Variants in RHOBTB2 observed in about 807,000 individuals in gnomAD.
RHOBTB2 encodes the protein rho-related BTB domain-containing protein 2.
RHOBTB2 carries 39 observed loss-of-function variants against 66.5 expected under a neutral mutation model. The ratio of observed to expected loss-of-function variants is 0.59; its 90% CI spans 0.45 to 0.77. The LOEUF (loss-of-function observed/expected upper bound fraction) is 0.77, where lower values mean the gene tolerates loss of function less well. Among genes scored for constraint, RHOBTB2 ranks in the 30% least tolerant of loss-of-function variants. The pLI is 0.00. For synonymous variants in RHOBTB2, 390 were observed against 395.0 expected (o/e 0.99, Z 0.15); for missense variants, 755 against 999.1 (o/e 0.76, Z 3.29).
chr8:22,980,883 G>C, the RHOBTB2 span, among the ~76,000 whole-genome samples: 2 of 152,140 alleles, frequency 1.3e-5, no homozygotes, highest in African/African-American at 4.8e-5. Flanking sequence ...TCACCCCATA[G>C]CCGTGACCCA....
Position 23,020,074 on chromosome 8 carries a change from T to C in RHOBTB2, c.*2605T>C. The C allele has an allele frequency of 2.8e-6, 1 of 361,534 alleles. No homozygotes were observed. The highest frequency in any genetic ancestry group is 5.4e-6 in the Non-Finnish European group (1 of 184,480). The allele number at this position is 361,534 out of a possible 1,614,324, so 22.4% of individuals were successfully genotyped here. The stretch of plus-strand genomic sequence containing the variant: ...GAGCACAGCCCTGGTTTCCTGTCAC[T>C]CAGAGCTGATTCACAGGAGGAGGGG... On this transcript the variant is annotated 3_prime_UTR_variant, in exon 10 of 10. Coordinates refer to ENST00000251822, the MANE Select transcript of RHOBTB2 (RefSeq NM_015178.3).
intron 6 of RHOBTB2, among the ~76,000 whole-genome samples, chr8:23,010,176 G>A (rs561515803): frequency 6.6e-6 from 1 of 152,306 alleles, no homozygotes; most frequent in East Asian, 1.9e-4. Context: ...GAAGCTGGAC[G>A]CCATGGCTTG....
the RHOBTB2 span, among the ~76,000 whole-genome samples, chr8:22,951,559 G>A: frequency 6.6e-6 from 1 of 152,116 alleles, no homozygotes; most frequent in Middle Eastern, 3.2e-3. Context: ...AATGTTTTGG[G>A]GGCAGGGGTT....
intron 8 of RHOBTB2, among the ~76,000 whole-genome samples, chr8:23,015,025 G>A (rs1174897370): frequency 6.6e-6 from 1 of 152,098 alleles, no homozygotes. Flanking sequence ...TAGGGCTGGG[G>A]AGGGAACCCC....
At position 23,006,657 on chromosome 8, in the gene RHOBTB2, C is replaced by T. The variant is rs902338206; in HGVS notation, c.483-71C>T. 53 of 1,463,816 alleles carry T rather than the reference C, an allele frequency of 3.6e-5. 1 individual carries two copies. The South Asian group carries it at 3.9e-4, about 11-fold the overall frequency. The allele number at this position is 1,463,816 out of a possible 1,614,324, so 90.7% of individuals were successfully genotyped here. On this transcript the variant is annotated intron_variant, in intron 4 of 9. Transcript: ENST00000251822. This position sits in a 1 kb window ranked among gnomAD's most constrained non-coding sequence, Gnocchi z 6.1. ...ACCCAGATCCTGAGCAGAGTCCCTC[C>T]AGCCTGTGGAAGAACAGGCAGCCTC...
At chr8:22,954,358 C>T in the RHOBTB2 span, among the ~76,000 whole-genome samples, 660 of 152,066 alleles carry the variant, frequency 4.3e-3, 4 homozygotes, top group Non-Finnish European at 7.0e-3. Flanking sequence ...TGTTTTTTAA[C>T]GTATGTATAG....
chr8:22,986,265 CTTTTTTTTTTT>C (rs33995780), upstream of RHOBTB2, among the ~76,000 whole-genome samples: 9 of 84,978 alleles, frequency 1.1e-4, no homozygotes, highest in Admixed American at 4.4e-4. Flanking sequence ...CAGTGCATTG[CTTTTTTTTTTT>C]TTTTTTTTTT....
Position 23,007,341 on chromosome 8 carries a change from A to T in RHOBTB2, c.1096A>T (p.Thr366Ser). 1 of 1,613,660 alleles carries T rather than the reference A, an allele frequency of 6.2e-7. No homozygotes were observed. Among genetic ancestry groups the T allele is most frequent in the Non-Finnish European group, 8.5e-7 (1 of 1,179,762 alleles). The change falls in exon 5 of 10, where the codon ACC becomes TCC. Residue 366 changes from threonine to serine, a missense_variant. Physicochemically the swap from Thr to Ser is moderately conservative, Grantham distance 58. Around this residue, in one of 7 missense-constraint regions of RHOBTB2, gnomAD observed 247 missense variants for 238.9 expected, o/e 1.03. Coordinates refer to ENST00000251822, the MANE Select transcript of RHOBTB2 (RefSeq NM_015178.3). The stretch of plus-strand genomic sequence containing the variant: ...CGGTCCTGCTGGCCTCCGTGCTTCC[A>T]CCAGCGACGGGATCTTACGGGGCAA... ...GSGPAGLRASTSDGILRGNGT... is the reference protein window; with the variant it reads ...GSGPAGLRASSSDGILRGNGT...
At chr8:22,979,820 C>T in the RHOBTB2 span, among the ~76,000 whole-genome samples, 11 of 133,682 alleles carry the variant, frequency 8.2e-5, no homozygotes, top group Non-Finnish European at 1.2e-4. Flanking sequence ...TGCAGTGGAG[C>T]GATCGCAGCT....
At chr8:22,955,242 T>A in the RHOBTB2 span, among the ~76,000 whole-genome samples, 1 of 151,870 alleles carries the variant, frequency 6.6e-6, no homozygotes, top group African/African-American at 2.4e-5. Flanking sequence ...CAGAAAAAAA[T>A]CAACAACCCA....
chr8:22,951,759 A>C, the RHOBTB2 span, among the ~76,000 whole-genome samples: 1 of 152,152 alleles, frequency 6.6e-6, no homozygotes, highest in Non-Finnish European at 1.5e-5. Flanking sequence ...TCTTTTGTGG[A>C]TCTTCAGTTG....
intron 1 of RHOBTB2, among the ~76,000 whole-genome samples, chr8:23,001,330 T>C (rs984124164): frequency 2.7e-4 from 40 of 149,200 alleles, no homozygotes; most frequent in African/African-American, 9.5e-4. Flanking sequence ...GAGGGGAAGC[T>C]GAGAGGCTCA....
chr8:22,966,635 C>T, the RHOBTB2 span, among the ~76,000 whole-genome samples: 1 of 151,574 alleles, frequency 6.6e-6, no homozygotes, highest in Admixed American at 6.6e-5. Flanking sequence ...AAAAAAAAAG[C>T]GGGGTGGTGG....
At chr8:22,970,291 G>A in the RHOBTB2 span, among the ~76,000 whole-genome samples, 430 of 152,240 alleles carry the variant, frequency 2.8e-3, 1 homozygote, top group African/African-American at 8.9e-3. Flanking sequence ...GAATGAACAC[G>A]GCACCAAGCC....
the RHOBTB2 span, among the ~76,000 whole-genome samples, chr8:22,974,601 T>C: frequency 6.6e-6 from 1 of 152,178 alleles, no homozygotes; most frequent in Non-Finnish European, 1.5e-5. Context: ...GGGAGAGATT[T>C]CGGTTCCCTG....
At chr8:23,014,636 G>T (rs1585196726) in intron 7 of RHOBTB2, 54 bp from the exon 8 acceptor site, 2 of 1,496,644 alleles carry the variant, frequency 1.3e-6, no homozygotes, top group East Asian at 4.6e-5. Context: ...GGTGGGGCAG[G>T]GTGAGCACAG....
upstream of RHOBTB2, chr8:22,999,194 G>A (rs1810675345): frequency 1.3e-5 from 2 of 152,074 alleles, no homozygotes; most frequent in South Asian, 2.1e-4. Flanking sequence ...CTCCCCGTGG[G>A]CAAGTGGTGG....
At chr8:22,958,312 C>T in the RHOBTB2 span, among the ~76,000 whole-genome samples, 1 of 152,126 alleles carries the variant, frequency 6.6e-6, no homozygotes, top group Admixed American at 6.6e-5. Context: ...TCTTCTGCAA[C>T]CTGGAAAAGT....
At chr8:22,957,121 C>T in the RHOBTB2 span, among the ~76,000 whole-genome samples, 2 of 152,092 alleles carry the variant, frequency 1.3e-5, no homozygotes, top group African/African-American at 4.8e-5. Context: ...TGGCTAGATA[C>T]CTTGCAGAAC....
Sources: allele counts gnomAD v4.1 joint callset (sites outside exome capture counted in the v4.1 genomes callset), GRCh38; gene constraint gnomAD v4.1.1; regional missense constraint gnomAD v4.1.1; non-coding constraint Gnocchi (gnomAD v3.1); transcripts MANE v1.5; gene names NCBI Gene and HGNC (gene_info 2026-07-23, HGNC 2026-07-21).